CWF19L2: variants seen among roughly 807,000 people sequenced by gnomAD.
The protein encoded by CWF19L2 is CWF19-like protein 2.
CWF19L2 carries 98 observed loss-of-function variants against 111.7 expected under a neutral mutation model. That is an observed-to-expected ratio of 0.88 (90% CI 0.75 to 1.04). The LOEUF is 1.04. Ranked by LOEUF, CWF19L2 falls within the 50% of genes least tolerant of loss-of-function variation. The probability of loss-of-function intolerance (pLI) is 0.00; values close to 1 mark genes in which losing one functional copy is unlikely to be tolerated. For missense variants in CWF19L2, 1,101 were observed against 1,051.4 expected, an observed-to-expected ratio of 1.05 and a Z score of -0.65; for synonymous variants, 351 against 342.9, an observed-to-expected ratio of 1.02 and a Z score of -0.26.
At chr11:107,356,899 G>A (rs1488763936) in intron 12 of CWF19L2, among the ~76,000 whole-genome samples, 7 of 151,966 alleles carry the variant, frequency 4.6e-5, no homozygotes, top group Non-Finnish European at 1.0e-4. Context: ...TTAGCCAGGC[G>A]TGGTGGCACA....
chr11:107,452,169 AC>A (rs1861787246), intron 3 of CWF19L2, among the ~76,000 whole-genome samples: 1 of 152,194 alleles, frequency 6.6e-6, no homozygotes, highest in Admixed American at 6.5e-5. Flanking sequence ...CATACCATTT[AC>A]CTAGAAATCC....
rs1434197690 is a variant in CWF19L2 at position 107,428,825 on chromosome 11, T to A, written c.1407A>T (p.Leu469=). 6.2e-7 allele frequency: 1 copy of A among 1,611,814 alleles called. No individual in the cohort carries two copies. Among genetic ancestry groups the A allele is most frequent in the African/African-American group, 1.3e-5 (1 of 74,640 alleles). The change falls in exon 8 of 18, where the codon CTA becomes CTT. Residue 469 remains leucine (L), a synonymous_variant. Transcript: ENST00000282251. ...CAGCAAATGTAGACTTTGTATCCCG[T>A]AGATGTTCTTTTTTTGGAGGGTCAT... is the stretch of plus-strand genomic sequence containing the variant. ...LRDDPPKKEH[L]RDTKSTFAGS...
chr11:107,327,187 T>A lies in CWF19L2; in HGVS notation c.2542-134A>T, dbSNP rs1565239054. ...GACAATGTTCAAGCATAAATACTAG[T>A]TGAAGTTAAAAAAATATGTTTTCAG... On this transcript the variant is annotated intron_variant, in intron 17 of 17. Coordinates refer to ENST00000282251, the MANE Select transcript of CWF19L2 (RefSeq NM_152434.3). 3 of 910,116 alleles carry A rather than the reference T, an allele frequency of 3.3e-6. No individual in the cohort carries two copies. The Admixed American group carries it at 9.1e-5, about 28-fold the overall frequency. 56.4% of individuals were successfully genotyped at this position (910,116 alleles called of 1,614,324 possible).
chr11:107,434,655 T>C lies in CWF19L2; in HGVS notation c.665-906A>G, dbSNP rs1290044121. ...ATTGTGATATATTCCTAAAATATAC[T>C]ATTTAATATTACACAGCAAAAAAAA... On this transcript the variant is annotated intron_variant, in intron 6 of 17. Coordinates refer to ENST00000282251, the MANE Select transcript of CWF19L2 (RefSeq NM_152434.3). Among the ~76,000 whole-genome samples, 4 of 140,174 alleles carry C rather than the reference T, an allele frequency of 2.9e-5. No homozygotes were observed. In the East Asian group the frequency reaches 6.1e-4, roughly 21 times the overall value. 92.0% of individuals were successfully genotyped at this position (140,174 alleles called of 152,430 possible).
chr11:107,395,567 G>A (rs1860910521), intron 10 of CWF19L2, among the ~76,000 whole-genome samples: 2 of 152,004 alleles, frequency 1.3e-5, no homozygotes, highest in South Asian at 4.1e-4. Context: ...AAACAACCCT[G>A]ATCCTACACC....
chr11:107,447,454 C>T (rs1456636323), intron 3 of CWF19L2, among the ~76,000 whole-genome samples: 1 of 152,152 alleles, frequency 6.6e-6, no homozygotes, highest in Non-Finnish European at 1.5e-5. Context: ...GCAGAACAAT[C>T]CCCAGAGCTC....
At chr11:107,401,458 CCT>C (rs942640551) in intron 10 of CWF19L2, among the ~76,000 whole-genome samples, 4 of 151,910 alleles carry the variant, frequency 2.6e-5, no homozygotes, top group East Asian at 3.9e-4. Context: ...GAACTCAACC[CCT>C]GTTACAATAG....
At chr11:107,396,755 A>C (rs1234325975) in intron 10 of CWF19L2, among the ~76,000 whole-genome samples, 1 of 152,170 alleles carries the variant, frequency 6.6e-6, no homozygotes. Context: ...CTGTAAGAAC[A>C]AACCAGCAAT....
chr11:107,416,783 T>A (rs775207726), intron 9 of CWF19L2, among the ~76,000 whole-genome samples: 46 of 152,208 alleles, frequency 3.0e-4, no homozygotes, highest in Non-Finnish European at 6.0e-4. Context: ...AACCATGAAG[T>A]AATACATTAA....
chr11:107,422,127 G>T (rs780237057), intron 8 of CWF19L2, among the ~76,000 whole-genome samples: 12 of 152,150 alleles, frequency 7.9e-5, no homozygotes, highest in Middle Eastern at 3.4e-3. Flanking sequence ...CATAATGTAT[G>T]ATCCCATTTA....
At position 107,326,635 on chromosome 11, in the gene CWF19L2, C is replaced by A. The variant is rs775065917; in HGVS notation, c.*275G>T. 3 of 285,510 alleles carry A rather than the reference C, an allele frequency of 1.1e-5. No homozygotes were observed. The highest frequency in any genetic ancestry group is 1.9e-5 in the Non-Finnish European group (3 of 155,496). 17.7% of individuals were successfully genotyped at this position (285,510 alleles called of 1,614,324 possible). On this transcript the variant is annotated 3_prime_UTR_variant, in exon 18 of 18. Transcript: ENST00000282251. Reference sequence around the variant, plus strand: ...AAAGGCCTTCTCTAAATTAACTGAACAATTCGGAATACCAAGAAGTAGGTA... The same window carrying A: ...AAAGGCCTTCTCTAAATTAACTGAAAAATTCGGAATACCAAGAAGTAGGTA...
At chr11:107,450,458 T>G (rs572893714) in intron 3 of CWF19L2, among the ~76,000 whole-genome samples, 1 of 152,106 alleles carries the variant, frequency 6.6e-6, no homozygotes, top group Non-Finnish European at 1.5e-5. Context: ...GAGGCTGAGG[T>G]GGGAGAGTCA....
chr11:107,428,095 T>G lies in CWF19L2; in HGVS notation c.1433+704A>C, dbSNP rs576142822. Among the ~76,000 whole-genome samples, 16 of 152,234 alleles carry G rather than the reference T, an allele frequency of 1.1e-4. No individual in the cohort carries two copies. In the South Asian group the frequency reaches 3.3e-3, roughly 32 times the overall value. ...TCATTCACGTGTAAGTTGTTACCCT[T>G]TGGACACTTTTTTTTCTGGCTATCT... On this transcript the variant is annotated intron_variant, in intron 8 of 17. Transcript: ENST00000282251.
intron 3 of CWF19L2, among the ~76,000 whole-genome samples, chr11:107,447,629 A>G (rs922670609): frequency 6.6e-6 from 1 of 152,228 alleles, no homozygotes; most frequent in Non-Finnish European, 1.5e-5. Flanking sequence ...AAACTTAAAA[A>G]CAATCCTTGA....
At chr11:107,431,533 C>T (rs1185975668) in intron 7 of CWF19L2, among the ~76,000 whole-genome samples, 1 of 151,840 alleles carries the variant, frequency 6.6e-6, no homozygotes. Flanking sequence ...CAAAAAGAGT[C>T]GTAAATTTAT....
At chr11:107,373,116 G>C (rs1403207695) in intron 12 of CWF19L2, among the ~76,000 whole-genome samples, 1 of 49,662 alleles carries the variant, frequency 2.0e-5, no homozygotes, top group African/African-American at 2.0e-4. Flanking sequence ...GGCTCGGAGG[G>C]TCCTACGCCC....
intron 10 of CWF19L2, among the ~76,000 whole-genome samples, chr11:107,414,752 G>A (rs1490281542): frequency 6.6e-6 from 1 of 151,962 alleles, no homozygotes; most frequent in Non-Finnish European, 1.5e-5. Context: ...CCTCTCTTTA[G>A]CCCATTACCC....
At chr11:107,443,272 G>A (rs1031643216) in intron 3 of CWF19L2, among the ~76,000 whole-genome samples, 12 of 152,070 alleles carry the variant, frequency 7.9e-5, no homozygotes, top group African/African-American at 2.9e-4. Flanking sequence ...CTTGAGGTCA[G>A]GAGTACAAGA....
intron 9 of CWF19L2, among the ~76,000 whole-genome samples, chr11:107,417,556 A>G (rs1013948928): frequency 2.0e-5 from 3 of 152,198 alleles, no homozygotes; most frequent in Non-Finnish European, 4.4e-5. Flanking sequence ...AATATATGAC[A>G]AAAATGAGGT....
Sources: allele counts gnomAD v4.1 joint callset (sites outside exome capture counted in the v4.1 genomes callset), GRCh38; gene constraint gnomAD v4.1.1; transcripts MANE v1.5; gene names NCBI Gene and HGNC (gene_info 2026-07-23, HGNC 2026-07-21).